GBE1: variants seen among roughly 807,000 people sequenced by gnomAD.
The protein encoded by GBE1 is 1,4-alpha-glucan branching enzyme 1.
A neutral mutation model predicts 88.8 loss-of-function variants in GBE1; 70 were observed. That is an observed-to-expected ratio of 0.79 (90% confidence interval 0.65 to 0.96). GBE1 has a LOEUF of 0.96. GBE1 is among the 40% of genes least tolerant of loss of function. The pLI is 0.00. For synonymous variants in GBE1, 284 were observed against 300.1 expected (o/e 0.95, Z 0.56); for missense variants, 872 against 871.0 (o/e 1.00, Z -0.01).
At chr3:81,696,007 A>G (rs1327705837) in intron 2 of GBE1, among the ~76,000 whole-genome samples, 1 of 152,204 alleles carries the variant, frequency 6.6e-6, no homozygotes, top group Non-Finnish European at 1.5e-5. Flanking sequence ...GCAAGCTATA[A>G]TACAAAGAAG....
chr3:81,634,062 T>G (rs1021347643), intron 7 of GBE1, among the ~76,000 whole-genome samples: 1 of 152,178 alleles, frequency 6.6e-6, no homozygotes, highest in East Asian at 1.9e-4. Context: ...TCGAAATGGT[T>G]TGTGAATGGC....
intron 7 of GBE1, among the ~76,000 whole-genome samples, chr3:81,620,007 T>TA (rs1299691714): frequency 1.3e-5 from 2 of 152,012 alleles, no homozygotes; most frequent in African/African-American, 2.4e-5. Context: ...TCTCCATATT[T>TA]AAAAAAATAT....
rs76552912 is a variant in GBE1, at chr3:81,743,584, C to T, written c.143+17791G>A. 1,930 of 1,534,906 alleles carry T rather than the reference C, an allele frequency of 1.3e-3. 15 individuals are homozygous for T. Among genetic ancestry groups the T allele is most frequent in the African/African-American group, 0.011 (807 of 73,036 alleles). On this transcript the variant is annotated intron_variant, in intron 1 of 15. Transcript: ENST00000429644. ...CACTTTAGCAAGATTCATGGGACAA[C>T]GAAGTTAGAAACAGCTGTTAATCTG...
chr3:81,501,270 G>T (rs1244859556), intron 14 of GBE1, among the ~76,000 whole-genome samples: 2 of 152,218 alleles, frequency 1.3e-5, no homozygotes, highest in Admixed American at 6.5e-5. Context: ...ACTGATGGAA[G>T]ACAGGGGTTA....
At chr3:81,737,958 T>C (rs1164724201) in intron 1 of GBE1, among the ~76,000 whole-genome samples, 2 of 151,842 alleles carry the variant, frequency 1.3e-5, no homozygotes, top group Admixed American at 6.6e-5. Flanking sequence ...TGTGTCCATG[T>C]GTTCTCATTG....
chr3:81,750,589 G>GTATATATACA (rs1706496017), intron 1 of GBE1, among the ~76,000 whole-genome samples: 1 of 30,820 alleles, frequency 3.2e-5, no homozygotes, highest in African/African-American at 2.0e-4. Flanking sequence ...ATATATATAC[G>GTATATATACA]TATATATATA....
chr3:81,547,447 CT>C (rs2106887856), intron 12 of GBE1, among the ~76,000 whole-genome samples: 1 of 151,530 alleles, frequency 6.6e-6, no homozygotes, highest in Non-Finnish European at 1.5e-5. Context: ...AAATGGGGAG[CT>C]TTTTCCTCCC....
At chr3:81,677,347 A>G (rs1212458809) in intron 2 of GBE1, among the ~76,000 whole-genome samples, 1 of 152,190 alleles carries the variant, frequency 6.6e-6, no homozygotes, top group African/African-American at 2.4e-5. Context: ...ACTAGCCCAT[A>G]TGGCAGATAT....
chr3:81,553,118 AAG>A (rs1260981267), intron 12 of GBE1, among the ~76,000 whole-genome samples: 2 of 152,216 alleles, frequency 1.3e-5, no homozygotes, highest in African/African-American at 2.4e-5. Flanking sequence ...AAGGTAATGA[AAG>A]AGCTATAAAA....
At chr3:81,594,603 T>C (rs1386723729) in intron 7 of GBE1, among the ~76,000 whole-genome samples, 2 of 152,014 alleles carry the variant, frequency 1.3e-5, no homozygotes, top group Non-Finnish European at 2.9e-5. Flanking sequence ...AACCACATGG[T>C]AAGCAATATT....
At chr3:81,538,260 C>T (rs902289848) in intron 12 of GBE1, among the ~76,000 whole-genome samples, 1 of 151,894 alleles carries the variant, frequency 6.6e-6, no homozygotes, top group Non-Finnish European at 1.5e-5. Context: ...AACTAATAAG[C>T]TAGGATGTAA....
chr3:81,523,557 C>T (rs1045085598), intron 14 of GBE1, among the ~76,000 whole-genome samples: 5 of 151,462 alleles, frequency 3.3e-5, no homozygotes, highest in Non-Finnish European at 7.4e-5. Flanking sequence ...CTGCAGTCAC[C>T]CTGTTGTGCT....
chr3:81,505,773 T>C (rs1206428321), intron 14 of GBE1, among the ~76,000 whole-genome samples: 5 of 152,002 alleles, frequency 3.3e-5, no homozygotes, highest in Non-Finnish European at 7.4e-5. Context: ...TGTGTATTTG[T>C]GTATCTTATT....
At chr3:81,686,602 C>T (rs1335825231) in intron 2 of GBE1, among the ~76,000 whole-genome samples, 2 of 151,950 alleles carry the variant, frequency 1.3e-5, no homozygotes, top group Non-Finnish European at 2.9e-5. Context: ...CCTAAAAATA[C>T]AAAATTACCC....
At chr3:81,530,806 T>C (rs1180132325) in intron 14 of GBE1, among the ~76,000 whole-genome samples, 2 of 151,894 alleles carry the variant, frequency 1.3e-5, no homozygotes, top group Admixed American at 1.3e-4. Context: ...CGAAAGTCTC[T>C]GGTGACTATT....
intron 7 of GBE1, among the ~76,000 whole-genome samples, chr3:81,619,805 A>G (rs953931229): frequency 6.6e-6 from 1 of 152,138 alleles, no homozygotes; most frequent in Non-Finnish European, 1.5e-5. Flanking sequence ...TTGGCTTTTC[A>G]CATTTATTTT....
chr3:81,643,041 A>T (rs1576182337), intron 6 of GBE1, 51 bp from the exon 7 acceptor site: 11 of 1,231,230 alleles, frequency 8.9e-6, no homozygotes, highest in East Asian at 2.5e-5. Flanking sequence ...TTTAGAGGAA[A>T]CAGCCGATTG....
At chr3:81,573,016 T>C (rs1271046543) in intron 12 of GBE1, among the ~76,000 whole-genome samples, 1 of 152,222 alleles carries the variant, frequency 6.6e-6, no homozygotes, top group Non-Finnish European at 1.5e-5. Context: ...ACTGAGGTCA[T>C]CCTATGCATA....
At chr3:81,497,959 C>G (rs1345229979) in intron 15 of GBE1, among the ~76,000 whole-genome samples, 1 of 152,062 alleles carries the variant, frequency 6.6e-6, no homozygotes, top group Non-Finnish European at 1.5e-5. Flanking sequence ...GTGATAGCAC[C>G]CTTGAGCCCT....
Sources: gnomAD v4.1 joint callset for allele counts (sites outside exome capture counted in the v4.1 genomes callset) on GRCh38, gnomAD v4.1.1 for gene constraint, MANE v1.5 for transcripts, NCBI Gene and HGNC (gene_info 2026-07-23, HGNC 2026-07-21) for gene names.